SOX5: variants seen among roughly 807,000 people sequenced by gnomAD.
SOX5 encodes transcription factor SOX-5.
In SOX5, 9 loss-of-function variants were observed where a neutral mutation model predicts 92.0. The ratio of observed to expected loss-of-function variants is 0.10; its 90% CI spans 0.06 to 0.17. SOX5 has a LOEUF of 0.17. Ranked by LOEUF, SOX5 falls within the 10% of genes least tolerant of loss-of-function variation. SOX5 has a pLI of 1.00. For missense variants in SOX5, 642 were observed against 944.5 expected (o/e 0.68, Z 4.20); for synonymous variants, 344 against 336.3 (o/e 1.02, Z -0.25).
intron 10 of SOX5, among the ~76,000 whole-genome samples, chr12:23,563,762 C>T (rs190777536): frequency 1.3e-4 from 19 of 151,774 alleles, no homozygotes; most frequent in African/African-American, 4.3e-4. Context: ...ATTTTTTTTC[C>T]TGCAAGGAAC....
chr12:24,182,842 T>C (rs1008922283), intron 4 of SOX5, among the ~76,000 whole-genome samples: 1 of 152,146 alleles, frequency 6.6e-6, no homozygotes, highest in African/African-American at 2.4e-5. Context: ...GCCTCCCGAA[T>C]AGCTGGAATT....
At chr12:23,951,940 ATC>A (rs1945708369), upstream of SOX5, among the ~76,000 whole-genome samples, 1 of 152,184 alleles carries the variant, frequency 6.6e-6, no homozygotes, top group African/African-American at 2.4e-5. Context: ...TTTATTTTAA[ATC>A]TCTATTTTTT....
At chr12:23,730,700 C>T (rs2140837352) in intron 6 of SOX5, among the ~76,000 whole-genome samples, 1 of 152,182 alleles carries the variant, frequency 6.6e-6, no homozygotes, top group East Asian at 1.9e-4. Flanking sequence ...AGAACTGATC[C>T]TAAGCAATTA....
chr12:23,574,188 C>T (rs561487348), intron 10 of SOX5, among the ~76,000 whole-genome samples: 1 of 152,068 alleles, frequency 6.6e-6, no homozygotes, highest in East Asian at 1.9e-4. Context: ...CACTTCTTTT[C>T]TTACCACACA....
intron 1 of SOX5, among the ~76,000 whole-genome samples, chr12:24,464,841 T>G (rs990538304): frequency 3.3e-5 from 5 of 152,248 alleles, no homozygotes; most frequent in Non-Finnish European, 7.3e-5. Flanking sequence ...ATGTAGGCAC[T>G]TTCAAAGGAA....
chr12:24,154,025 T>C (rs7137591), intron 4 of SOX5, among the ~76,000 whole-genome samples: 135,173 of 152,034 alleles, frequency 0.89, 60,197 homozygotes, highest in East Asian at 0.99. Flanking sequence ...GACTAACCCT[T>C]AGTATGCCCA....
At chr12:24,141,010 G>A (rs1487519104) in intron 4 of SOX5, among the ~76,000 whole-genome samples, 3 of 151,786 alleles carry the variant, frequency 2.0e-5, no homozygotes, top group African/African-American at 7.3e-5. Flanking sequence ...ATACTTCTAA[G>A]AAAAGGACAG....
intron 3 of SOX5, among the ~76,000 whole-genome samples, chr12:23,808,586 G>C (rs1294508874): frequency 6.6e-6 from 1 of 151,848 alleles, no homozygotes; most frequent in African/African-American, 2.4e-5. Flanking sequence ...TTCTATACAA[G>C]CATGCATATA....
chr12:24,003,807 A>G (rs1022611088), intron 4 of SOX5, among the ~76,000 whole-genome samples: 2 of 152,022 alleles, frequency 1.3e-5, no homozygotes, highest in Admixed American at 6.6e-5. Context: ...TGATTTTATA[A>G]TTTACAATAA....
intron 2 of SOX5, among the ~76,000 whole-genome samples, chr12:23,861,990 T>C (rs939150901): frequency 2.6e-5 from 4 of 152,160 alleles, no homozygotes; most frequent in African/African-American, 7.2e-5. Flanking sequence ...TTATACATTT[T>C]TGGGTTTTCT....
intron 4 of SOX5, among the ~76,000 whole-genome samples, chr12:24,138,829 T>G (rs561686673): frequency 6.6e-6 from 1 of 152,178 alleles, no homozygotes; most frequent in East Asian, 1.9e-4. Flanking sequence ...CCTAGAGATA[T>G]TCCCCCCATT....
At chr12:23,894,227 T>C (rs2097155866) in intron 2 of SOX5, among the ~76,000 whole-genome samples, 1 of 151,758 alleles carries the variant, frequency 6.6e-6, no homozygotes, top group African/African-American at 2.4e-5. Flanking sequence ...AACATTACTA[T>C]TATTATTATT....
intron 2 of SOX5, among the ~76,000 whole-genome samples, chr12:23,857,006 T>G (rs2096700043): frequency 6.6e-6 from 1 of 152,154 alleles, no homozygotes; most frequent in African/African-American, 2.4e-5. Context: ...ATTTATTAAA[T>G]CTTCATGTAT....
chr12:23,975,733 GAATA>G (rs1291618006), intron 4 of SOX5, among the ~76,000 whole-genome samples: 1 of 152,072 alleles, frequency 6.6e-6, no homozygotes, highest in African/African-American at 2.4e-5. Flanking sequence ...GTGAAGGATA[GAATA>G]AATGAATATA....
chr12:24,025,687 C>T (rs561143665), intron 4 of SOX5, among the ~76,000 whole-genome samples: 2 of 152,026 alleles, frequency 1.3e-5, no homozygotes, highest in Non-Finnish European at 2.9e-5. Flanking sequence ...GATAAACAAG[C>T]GGGCAATGTC....
chr12:23,898,438 A>T (rs1199602826), intron 1 of SOX5, among the ~76,000 whole-genome samples: 1 of 152,192 alleles, frequency 6.6e-6, no homozygotes, highest in Non-Finnish European at 1.5e-5. Context: ...AGAAAGCAAG[A>T]TCAGCTAGCC....
chr12:23,544,222 G>A (rs1015842359), intron 12 of SOX5, among the ~76,000 whole-genome samples: 8 of 152,142 alleles, frequency 5.3e-5, no homozygotes, highest in South Asian at 2.1e-4. Flanking sequence ...AGTTAACAAC[G>A]ATAGCTTTGG....
rs555404638 is a variant in SOX5 at position 23,873,829 on chromosome 12, T to C, written c.270+21964A>G. Among the ~76,000 whole-genome samples the C allele has an allele frequency of 1.4e-4, 22 of 152,336 alleles. No individual in the cohort carries two copies. In the South Asian group the frequency reaches 4.1e-3, roughly 29 times the overall value. On this transcript the variant is annotated intron_variant, in intron 2 of 14. Coordinates refer to ENST00000451604, the MANE Select transcript of SOX5 (RefSeq NM_006940.6). ...TGTTTAAGAGATTCACAGAGCAGGT[T>C]TGAAAAGCCACATGTGGTTAACTGG...
At chr12:24,157,991 T>A (rs1448829561) in intron 4 of SOX5, among the ~76,000 whole-genome samples, 1 of 152,074 alleles carries the variant, frequency 6.6e-6, no homozygotes, top group African/African-American at 2.4e-5. Flanking sequence ...CTCATTTTTA[T>A]TTTACTTTTG....
Sources: gnomAD v4.1 joint callset for allele counts (sites outside exome capture counted in the v4.1 genomes callset) on GRCh38, gnomAD v4.1.1 for gene constraint, MANE v1.5 for transcripts, NCBI Gene and HGNC (gene_info 2026-07-23, HGNC 2026-07-21) for gene names.